Variants in MALRD1 observed in about 807,000 individuals in gnomAD.
MALRD1 encodes MAM and LDL-receptor class A domain-containing protein 1.
In MALRD1, 247 loss-of-function variants were observed where a neutral mutation model predicts 242.1. The observed-to-expected ratio is 1.02, with a 90% CI of 0.92 to 1.13. MALRD1 has a LOEUF of 1.13. Among genes scored for constraint, MALRD1 ranks in the 50% most tolerant of loss-of-function variants. The pLI is 0.00. For missense variants in MALRD1, 2,989 were observed against 2,533.1 expected (o/e 1.18, Z -3.86); for synonymous variants, 995 against 866.6 (o/e 1.15, Z -2.60).
Position 19,530,318 on chromosome 10 carries a change from A to AATTTATATAAATGTATAAT in MALRD1, c.5321-864_5321-863insGTATAATATTTATATAAAT, listed in dbSNP as rs1564416741. 4.4e-4 allele frequency among the ~76,000 whole-genome samples: 28 copies of AATTTATATAAATGTATAAT among 63,228 alleles called. 1 individual carries two copies. In the South Asian group the frequency reaches 7.1e-3, roughly 16 times the overall value. The allele number at this position is 63,228 out of a possible 152,430, so 41.5% of individuals were successfully genotyped here. A position where few individuals can be genotyped will look rare whatever the true frequency, so the allele number is the denominator to read the frequency against. Reference sequence around the variant, plus strand: ...TTGAAGGACATTGTTGAAATGTTGAAATTTATATAAATATATAATATTTAT... The same window carrying AATTTATATAAATGTATAAT: ...TTGAAGGACATTGTTGAAATGTTGAAATTTATATAAATGTATAATATTTATATAAATATATAATATTTAT... On this transcript the variant is annotated intron_variant, in intron 31 of 39. Transcript: ENST00000454679.
intron 36 of MALRD1, among the ~76,000 whole-genome samples, chr10:19,618,896 G>A (rs1279277673): frequency 6.6e-6 from 1 of 151,820 alleles, no homozygotes; most frequent in Non-Finnish European, 1.5e-5. Context: ...CTAAATATTG[G>A]GACGTTAGAC....
At chr10:19,484,144 C>A (rs1309921666) in intron 29 of MALRD1, among the ~76,000 whole-genome samples, 2 of 152,116 alleles carry the variant, frequency 1.3e-5, no homozygotes, top group Non-Finnish European at 2.9e-5. Flanking sequence ...GGGAGGAGGG[C>A]AAAGATTGAC....
At chr10:19,730,849 C>A in intron 39 of MALRD1, 68 bp downstream of exon 39, 1 of 1,294,232 alleles carries the variant, frequency 7.7e-7, no homozygotes, top group Non-Finnish European at 1.1e-6. Flanking sequence ...CACACACACA[C>A]AGGCTGAACC....
At chr10:19,080,598 A>G (rs1472090301) in intron 2 of MALRD1, among the ~76,000 whole-genome samples, 1 of 152,102 alleles carries the variant, frequency 6.6e-6, no homozygotes, top group East Asian at 1.9e-4. Flanking sequence ...CCTTCCTTAC[A>G]CCTTATACAA....
chr10:19,440,272 G>A (rs1242436357), intron 28 of MALRD1, among the ~76,000 whole-genome samples: 2 of 151,796 alleles, frequency 1.3e-5, no homozygotes, highest in African/African-American at 4.8e-5. Context: ...TTGCTATTCT[G>A]TTTCATATTT....
intron 28 of MALRD1, among the ~76,000 whole-genome samples, chr10:19,432,754 A>G (rs1052112203): frequency 1.8e-4 from 27 of 152,206 alleles, no homozygotes; most frequent in African/African-American, 6.5e-4. Context: ...CTCCAAAGTG[A>G]TATTTGAAGA....
At chr10:19,266,863 G>A (rs937189472) in intron 19 of MALRD1, among the ~76,000 whole-genome samples, 2 of 151,930 alleles carry the variant, frequency 1.3e-5, no homozygotes, top group African/African-American at 2.4e-5. Flanking sequence ...TGATGACAAA[G>A]TTATCATTAG....
At chr10:19,340,950 T>C (rs1426952376) in intron 24 of MALRD1, among the ~76,000 whole-genome samples, 5 of 152,276 alleles carry the variant, frequency 3.3e-5, no homozygotes, top group South Asian at 4.1e-4. Context: ...ATATGTGTAT[T>C]AAAATTTGAA....
At chr10:19,138,665 C>T (rs887639540) in intron 10 of MALRD1, among the ~76,000 whole-genome samples, 1 of 152,162 alleles carries the variant, frequency 6.6e-6, no homozygotes, top group Non-Finnish European at 1.5e-5. Flanking sequence ...GGTGATCCAC[C>T]TGCCTCAGCC....
intron 28 of MALRD1, among the ~76,000 whole-genome samples, chr10:19,427,954 G>C (rs1210627667): frequency 1.3e-5 from 2 of 152,080 alleles, no homozygotes; most frequent in Non-Finnish European, 2.9e-5. Flanking sequence ...ATACACATGA[G>C]TGCAGCCTAA....
At chr10:19,341,786 A>C (rs552198365) in intron 24 of MALRD1, among the ~76,000 whole-genome samples, 3 of 152,192 alleles carry the variant, frequency 2.0e-5, no homozygotes, top group South Asian at 2.1e-4. Flanking sequence ...GGAGTTAAAA[A>C]AACAAAGACA....
chr10:19,340,682 C>A (rs148527413), intron 24 of MALRD1, among the ~76,000 whole-genome samples: 95 of 152,220 alleles, frequency 6.2e-4, no homozygotes, highest in African/African-American at 2.2e-3. Flanking sequence ...AACTCTTATA[C>A]TCAATCACTT....
chr10:19,667,302 G>GA (rs111326341), intron 36 of MALRD1, among the ~76,000 whole-genome samples: 21 of 150,796 alleles, frequency 1.4e-4, no homozygotes, highest in East Asian at 3.9e-4. Flanking sequence ...TTTAAAAAAG[G>GA]AAAAAAAAAT....
At chr10:19,363,372 G>A (rs987063014) in intron 26 of MALRD1, among the ~76,000 whole-genome samples, 2 of 152,070 alleles carry the variant, frequency 1.3e-5, no homozygotes, top group Admixed American at 6.6e-5. Flanking sequence ...AAAGGAAGAC[G>A]ATCAGGTGAA....
Position 19,657,585 on chromosome 10 carries a change from A to G in MALRD1, c.6138-34697A>G, listed in dbSNP as rs143170619. Among the ~76,000 whole-genome samples the G allele has an allele frequency of 4.3e-4, 66 of 152,240 alleles. 2 individuals carry two copies. In the East Asian group the frequency reaches 0.012, roughly 27 times the overall value. ...TAATTTTTGTTGTTAAATATTAGGCATATATATAATGGGACACATGAAATA... is the reference window on the plus strand; with the variant it reads ...TAATTTTTGTTGTTAAATATTAGGCGTATATATAATGGGACACATGAAATA... On this transcript the variant is annotated intron_variant, in intron 36 of 39. Coordinates refer to ENST00000454679, the MANE Select transcript of MALRD1 (RefSeq NM_001142308.3).
At chr10:19,308,053 T>C (rs951986427) in intron 21 of MALRD1, among the ~76,000 whole-genome samples, 4 of 151,602 alleles carry the variant, frequency 2.6e-5, no homozygotes, top group Non-Finnish European at 5.9e-5. Context: ...TTCTTTTAGT[T>C]ATTTTAAAAT....
intron 34 of MALRD1, among the ~76,000 whole-genome samples, chr10:19,602,108 G>A (rs1838370473): frequency 1.3e-5 from 2 of 148,358 alleles, no homozygotes; most frequent in Admixed American, 1.3e-4. Flanking sequence ...TTTACAAATT[G>A]GAGGTCTTCA....
chr10:19,222,952 A>G (rs1057064538), intron 18 of MALRD1, among the ~76,000 whole-genome samples: 5 of 152,270 alleles, frequency 3.3e-5, no homozygotes, highest in Non-Finnish European at 4.4e-5. Context: ...ACTTTTTCCC[A>G]TTCAGCAGAA....
At chr10:19,176,766 G>A (rs896731787) in intron 14 of MALRD1, among the ~76,000 whole-genome samples, 3 of 152,090 alleles carry the variant, frequency 2.0e-5, no homozygotes, top group Non-Finnish European at 4.4e-5. Context: ...CTCTGCGCAT[G>A]TGTTCATGCA....
Sources: allele counts gnomAD v4.1 joint callset (sites outside exome capture counted in the v4.1 genomes callset), GRCh38; gene constraint gnomAD v4.1.1; transcripts MANE v1.5; gene names NCBI Gene and HGNC (gene_info 2026-07-23, HGNC 2026-07-21).